CA5B: variants seen among roughly 807,000 people sequenced by gnomAD.
The protein encoded by CA5B is carbonic anhydrase 5B, mitochondrial.
CA5B carries 15 observed loss-of-function variants against 23.1 expected under a neutral mutation model. That is an observed-to-expected ratio of 0.65 (90% CI 0.43 to 1.00). The LOEUF (loss-of-function observed/expected upper bound fraction) is 1.00. Ranked by LOEUF, CA5B falls within the 50% of genes least tolerant of loss-of-function variation. The pLI is 0.00. For missense variants in CA5B, 236 were observed against 252.2 expected (o/e 0.94, Z 0.43); for synonymous variants, 84 against 98.5 (o/e 0.85, Z 0.87).
intron 3 of CA5B, among the ~76,000 whole-genome samples, chrX:15,769,816 T>G (rs1012300726): frequency 3.6e-5 from 4 of 112,042 alleles, no homozygotes; most frequent in Admixed American, 2.9e-4. Flanking sequence ...CTGCATTTGC[T>G]TTTATTTATG....
At chrX:15,747,530 G>A (rs1320792956) in intron 1 of CA5B, among the ~76,000 whole-genome samples, 1 of 110,279 alleles carries the variant, frequency 9.1e-6, no homozygotes, top group African/African-American at 3.3e-5. Context: ...GGGGGTAGAA[G>A]ATGTATAAAT....
rs1932088032 is a variant in CA5B, at chrX:15,784,974, G to A, written c.*2310G>A. On this transcript the variant is annotated 3_prime_UTR_variant, in exon 8 of 8. Coordinates refer to ENST00000318636, the MANE Select transcript of CA5B (RefSeq NM_007220.4). The stretch of plus-strand genomic sequence containing the variant: ...CAACATTGCCAATTATTAGGGAAAT[G>A]CAAATCAAAACCACAATGAGATATC... 8.9e-6 allele frequency: 1 copy of A among 112,199 alleles called. No homozygotes were observed. Among genetic ancestry groups the A allele is most frequent in the African/African-American group, 3.2e-5 (1 of 30,859 alleles). 9.2% of individuals were successfully genotyped at this position (112,199 alleles called of 1,213,427 possible).
intron 7 of CA5B, among the ~76,000 whole-genome samples, chrX:15,778,794 C>T (rs754631615): frequency 3.6e-5 from 4 of 110,345 alleles, no homozygotes; most frequent in South Asian, 3.9e-4. Context: ...ACTTTTAAAC[C>T]GTCAGATCTC....
chrX:15,755,719 T>C (rs1277583047), intron 2 of CA5B, among the ~76,000 whole-genome samples: 1 of 112,289 alleles, frequency 8.9e-6, no homozygotes, highest in Non-Finnish European at 1.9e-5. Context: ...GACGATCGCT[T>C]GAGGCCAGGA....
rs1174483012 is a variant in CA5B at position 15,779,910 on chromosome X, T to G, written c.775-2575T>G. 2.7e-5 allele frequency among the ~76,000 whole-genome samples: 3 copies of G among 112,230 alleles called. No homozygotes were observed. In the Admixed American group the frequency reaches 2.8e-4, roughly 11 times the overall value. ...TACATCAGAGGGTCAGTGGCCCATG[T>G]GAGGACTTTGTAAATACGATTTCAA... is the stretch of plus-strand genomic sequence containing the variant. On this transcript the variant is annotated intron_variant, in intron 7 of 7. Transcript: ENST00000318636.
In CA5B at chrX:15,776,640, C is replaced by T. The variant is rs1050452598; in HGVS notation, c.619-74C>T. ...TGATCTCCAGATACTCCCTGAGAAC[C>T]GTCACCTCGGCGTCCAATTCCTGAG... On this transcript the variant is annotated intron_variant, in intron 6 of 7. Transcript: ENST00000318636. The T allele has an allele frequency of 3.6e-6, 3 of 833,766 alleles. No homozygotes were observed. The African/African-American group carries it at 6.0e-5, about 17-fold the overall frequency. The allele number at this position is 833,766 out of a possible 1,213,427, so 68.7% of individuals were successfully genotyped here. A position where few individuals can be genotyped will look rare whatever the true frequency, so the allele number is the denominator to read the frequency against.
intron 2 of CA5B, among the ~76,000 whole-genome samples, chrX:15,754,194 G>A (rs965827114): frequency 8.9e-6 from 1 of 111,892 alleles, no homozygotes; most frequent in Admixed American, 9.5e-5. Context: ...AGGGTAGGGG[G>A]GATCCATTCA....
intron 2 of CA5B, among the ~76,000 whole-genome samples, chrX:15,756,478 T>C (rs1931488433): frequency 8.9e-6 from 1 of 112,776 alleles, no homozygotes; most frequent in Non-Finnish European, 1.9e-5. Context: ...CTAAATGGTA[T>C]GAAAGCAAAT....
At chrX:15,775,095 A>G (rs887454637) in intron 5 of CA5B, 151 bp from the exon 6 acceptor site, 38 of 374,210 alleles carry the variant, frequency 1.0e-4, no homozygotes, top group Admixed American at 1.5e-4. Context: ...TAATGTTTAT[A>G]AAATTATAAA....
intron 3 of CA5B, among the ~76,000 whole-genome samples, chrX:15,766,174 A>G (rs1267374328): frequency 9.2e-6 from 1 of 108,337 alleles, no homozygotes; most frequent in Admixed American, 1.0e-4. Context: ...AAAAAAAAAA[A>G]AAAAGTAAAT....
intron 3 of CA5B, 97 bp downstream of exon 3, chrX:15,764,872 T>C: frequency 9.7e-7 from 1 of 1,034,321 alleles, no homozygotes; most frequent in Non-Finnish European, 1.3e-6. Flanking sequence ...TATTGACCTC[T>C]TTGTGAGCAA....
In CA5B at chrX:15,788,225, A is replaced by G. The variant is rs142675825; in HGVS notation, c.*5561A>G. The G allele has an allele frequency of 1.8e-5, 2 of 111,939 alleles. No homozygotes were observed. Among genetic ancestry groups the G allele is most frequent in the East Asian group, 5.6e-4 (2 of 3,566 alleles). 9.2% of individuals were successfully genotyped at this position (111,939 alleles called of 1,213,427 possible). On this transcript the variant is annotated 3_prime_UTR_variant, in exon 8 of 8. Transcript: ENST00000318636. Reference sequence around the variant, plus strand: ...ATGTTATAAAAGGTGGAATACTTGTACTGGAAATGCATACAGCGCCTCATC... The same window carrying G: ...ATGTTATAAAAGGTGGAATACTTGTGCTGGAAATGCATACAGCGCCTCATC...
At chrX:15,773,242 T>C (rs2147266739) in intron 4 of CA5B, among the ~76,000 whole-genome samples, 1 of 110,904 alleles carries the variant, frequency 9.0e-6, no homozygotes, top group East Asian at 2.8e-4. Context: ...ATTTATTTTA[T>C]ATTTTTTATA....
chrX:15,775,818 CA>C, intron 6 of CA5B: 1 of 737,669 alleles, frequency 1.4e-6, no homozygotes, highest in Non-Finnish European at 1.6e-6. Flanking sequence ...TCTCATCCCC[CA>C]CTGTATCCCT....
intron 2 of CA5B, chrX:15,763,173 C>G: frequency 6.5e-6 from 1 of 153,083 alleles, no homozygotes; most frequent in Non-Finnish European, 1.2e-5. Context: ...TCAGCACGCA[C>G]AGTTATGTGG....
chrX:15,775,037 G>C (rs1040213271), intron 5 of CA5B, among the ~76,000 whole-genome samples: 2 of 112,625 alleles, frequency 1.8e-5, no homozygotes, highest in Admixed American at 9.4e-5. Flanking sequence ...CAGGCATGCT[G>C]ACCTTGTCAG....
chrX:15,773,470 C>A (rs1464127232), intron 4 of CA5B, among the ~76,000 whole-genome samples: 1 of 92,450 alleles, frequency 1.1e-5, no homozygotes, highest in African/African-American at 4.2e-5. Flanking sequence ...AGTGCAGTGG[C>A]GTGATCTTGG....
At chrX:15,768,487 T>C (rs1341608209) in intron 3 of CA5B, among the ~76,000 whole-genome samples, 1 of 112,471 alleles carries the variant, frequency 8.9e-6, no homozygotes, top group Non-Finnish European at 1.9e-5. Flanking sequence ...AGAAAACTTG[T>C]AGAGAGTTTG....
At chrX:15,750,288 C>T (rs975832461) in intron 2 of CA5B, 123 bp downstream of exon 2, 15 of 533,769 alleles carry the variant, frequency 2.8e-5, no homozygotes, top group Non-Finnish European at 4.2e-5. Flanking sequence ...AGCAAAAATA[C>T]TCATCTTTAT....
Sources: gnomAD v4.1 joint callset for allele counts (sites outside exome capture counted in the v4.1 genomes callset) on GRCh38, gnomAD v4.1.1 for gene constraint, MANE v1.5 for transcripts, NCBI Gene and HGNC (gene_info 2026-07-23, HGNC 2026-07-21) for gene names.